ZHX3: variants seen among roughly 807,000 people sequenced by gnomAD.
The protein encoded by ZHX3 is zinc fingers and homeoboxes 3.
A neutral mutation model predicts 64.5 loss-of-function variants in ZHX3; 20 were observed. The observed-to-expected ratio is 0.31, with a 90% CI of 0.22 to 0.45. The LOEUF is 0.45. ZHX3 is among the 20% of genes least tolerant of loss of function. ZHX3 has a pLI of 1.00. For missense variants in ZHX3, 1,041 were observed against 1,195.8 expected (o/e 0.87, Z 1.91); for synonymous variants, 423 against 461.6 (o/e 0.92, Z 1.07).
At chr20:41,297,516 C>T (rs1240305911) in intron 1 of ZHX3, among the ~76,000 whole-genome samples, 1 of 152,200 alleles carries the variant, frequency 6.6e-6, no homozygotes, top group Non-Finnish European at 1.5e-5. Flanking sequence ...GCAAACATCC[C>T]ATCTTTCCTA....
At chr20:41,286,808 G>A (rs1351963715) in intron 1 of ZHX3, among the ~76,000 whole-genome samples, 2 of 152,190 alleles carry the variant, frequency 1.3e-5, no homozygotes, top group Non-Finnish European at 2.9e-5. Flanking sequence ...GGGACCTGGT[G>A]GGAGGTGATT....
chr20:41,265,738 T>C (rs926584335), intron 2 of ZHX3, among the ~76,000 whole-genome samples: 1 of 152,216 alleles, frequency 6.6e-6, no homozygotes, highest in Non-Finnish European at 1.5e-5. Context: ...CCCACTACTA[T>C]ATACTTAATT....
At chr20:41,307,319 T>C (rs2045009436) in intron 1 of ZHX3, among the ~76,000 whole-genome samples, 1 of 152,190 alleles carries the variant, frequency 6.6e-6, no homozygotes, top group African/African-American at 2.4e-5. Context: ...ATGGTGAGTA[T>C]TCAAAAGTCC....
At chr20:41,290,701 T>C (rs903014341) in intron 1 of ZHX3, 7 of 152,198 alleles carry the variant, frequency 4.6e-5, no homozygotes, top group South Asian at 2.1e-4. Flanking sequence ...GCTACTAGTA[T>C]GCAGTAGGAA....
At chr20:41,300,081 T>C (rs2044744925) in intron 1 of ZHX3, 1 of 152,228 alleles carries the variant, frequency 6.6e-6, no homozygotes, top group Non-Finnish European at 1.5e-5. Flanking sequence ...GTCTATTTGC[T>C]GCCTTTGACG....
intron 1 of ZHX3, among the ~76,000 whole-genome samples, chr20:41,283,755 TAA>T (rs11288230): frequency 8.8e-4 from 129 of 147,400 alleles, no homozygotes; most frequent in Admixed American, 8.1e-4. Flanking sequence ...AGTCTCCATC[TAA>T]AAAAAAAAAA....
chr20:41,252,549 T>G (rs543483970), intron 2 of ZHX3, among the ~76,000 whole-genome samples: 5 of 152,318 alleles, frequency 3.3e-5, no homozygotes, highest in African/African-American at 1.2e-4. Flanking sequence ...TACTGCCAAG[T>G]AAGTCTAACT....
intron 2 of ZHX3, among the ~76,000 whole-genome samples, chr20:41,255,418 T>C (rs189722100): frequency 1.1e-3 from 170 of 152,306 alleles, no homozygotes; most frequent in African/African-American, 4.0e-3. Context: ...CCCAAAGTGC[T>C]GGGATTACAG....
chr20:41,289,933 C>T (rs2044144103), intron 1 of ZHX3, among the ~76,000 whole-genome samples: 1 of 152,078 alleles, frequency 6.6e-6, no homozygotes, highest in South Asian at 2.1e-4. Flanking sequence ...AAAAAGAAAC[C>T]TAGAAACTAA....
intron 2 of ZHX3, among the ~76,000 whole-genome samples, chr20:41,253,238 A>G (rs1422999339): frequency 9.2e-6 from 1 of 108,394 alleles, no homozygotes; most frequent in East Asian, 3.9e-4. Context: ...GGTTTTTGGG[A>G]CTACAGTAAA....
Position 41,205,022 on chromosome 20 carries a change from C to A in ZHX3, c.-106G>T. The A allele has an allele frequency of 7.2e-7, 1 of 1,381,226 alleles. No individual in the cohort carries two copies. The highest frequency in any genetic ancestry group is 2.7e-5 in the East Asian group (1 of 37,560). The allele number at this position is 1,381,226 out of a possible 1,614,324, so 85.6% of individuals were successfully genotyped here. On this transcript the variant is annotated 5_prime_UTR_variant, in exon 3 of 4. Transcript: ENST00000683867. ...GGGCCAAAGAAACAGTTTCTAAATGCAGCTTTTTCAGTTGTTTGCAGAAAG... is the reference window on the plus strand; with the variant it reads ...GGGCCAAAGAAACAGTTTCTAAATGAAGCTTTTTCAGTTGTTTGCAGAAAG...
At chr20:41,308,275 G>A (rs903633266) in intron 1 of ZHX3, among the ~76,000 whole-genome samples, 11 of 152,028 alleles carry the variant, frequency 7.2e-5, no homozygotes, top group Admixed American at 2.6e-4. Context: ...AATCCTCCAC[G>A]GCCACATTTT....
intron 1 of ZHX3, among the ~76,000 whole-genome samples, chr20:41,294,616 G>C (rs1296118231): frequency 6.6e-6 from 1 of 152,134 alleles, no homozygotes; most frequent in African/African-American, 2.4e-5. Flanking sequence ...ATCCACCTCA[G>C]CCTCCCAAAG....
chr20:41,230,270 A>G (rs183164546), intron 2 of ZHX3, among the ~76,000 whole-genome samples: 28 of 152,216 alleles, frequency 1.8e-4, no homozygotes, highest in Admixed American at 1.8e-3. Flanking sequence ...TCTGTTGGAC[A>G]GCACTGCCTA....
chr20:41,267,953 A>T (rs557105552), intron 2 of ZHX3, among the ~76,000 whole-genome samples: 9 of 152,234 alleles, frequency 5.9e-5, no homozygotes, highest in Admixed American at 5.9e-4. Flanking sequence ...AAGCCACTAA[A>T]CAGTTTTACT....
chr20:41,194,603 C>A (rs1047677386), intron 3 of ZHX3, among the ~76,000 whole-genome samples: 10 of 152,060 alleles, frequency 6.6e-5, no homozygotes, highest in African/African-American at 2.4e-4. Context: ...AGTGTTTACT[C>A]CTCTTCAATT....
chr20:41,293,882 CAG>C (rs1285950407), intron 1 of ZHX3, among the ~76,000 whole-genome samples: 1 of 152,180 alleles, frequency 6.6e-6, no homozygotes, highest in Non-Finnish European at 1.5e-5. Context: ...GCTAAGGATA[CAG>C]AGAGTGAAAA....
intron 2 of ZHX3, among the ~76,000 whole-genome samples, chr20:41,268,681 C>T (rs2042980081): frequency 6.6e-6 from 1 of 152,186 alleles, no homozygotes; most frequent in South Asian, 2.1e-4. Flanking sequence ...CCCTGCACAT[C>T]ATAGAGAGAC....
intron 1 of ZHX3, among the ~76,000 whole-genome samples, chr20:41,311,788 G>A (rs1048855323): frequency 2.0e-5 from 3 of 152,086 alleles, no homozygotes; most frequent in Non-Finnish European, 4.4e-5. Flanking sequence ...CACCATACTG[G>A]GTTCTCCCGA....
Sources: gnomAD v4.1 joint callset for allele counts (sites outside exome capture counted in the v4.1 genomes callset) on GRCh38, gnomAD v4.1.1 for gene constraint, MANE v1.5 for transcripts, NCBI Gene and HGNC (gene_info 2026-07-23, HGNC 2026-07-21) for gene names.